Variants in NUDT19 observed in about 807,000 individuals in gnomAD.
The protein encoded by NUDT19 is nudix hydrolase 19.
NUDT19 carries 31 observed loss-of-function variants against 22.2 expected under a neutral mutation model. That is an observed-to-expected ratio of 1.40 (90% CI 1.05 to 1.89). The LOEUF is 1.89. Ranked by LOEUF, NUDT19 falls within the 40% of genes most tolerant of loss-of-function variation. The pLI, the probability that NUDT19 is intolerant of heterozygous loss-of-function variation, is 0.00. For synonymous variants in NUDT19, 325 were observed against 230.8 expected, an observed-to-expected ratio of 1.41 and a Z score of -3.70; for missense variants, 752 against 514.2, an observed-to-expected ratio of 1.46 and a Z score of -4.47.
intron 1 of NUDT19, among the ~76,000 whole-genome samples, chr19:32,701,681 G>T (rs985700279): frequency 6.6e-6 from 1 of 152,152 alleles, no homozygotes; most frequent in Non-Finnish European, 1.5e-5. Context: ...ACTTTTAAAA[G>T]TTCATGGATT....
chr19:32,693,080 C>T (rs1485465751), intron 1 of NUDT19, among the ~76,000 whole-genome samples: 2 of 152,232 alleles, frequency 1.3e-5, no homozygotes, highest in East Asian at 3.8e-4. Context: ...CTGTGTTGCA[C>T]ACCCAGGCTC....
Position 32,692,691 on chromosome 19 carries a change from G to T in NUDT19, c.714+17G>T. 6.9e-7 allele frequency: 1 copy of T among 1,449,102 alleles called. No individual in the cohort carries two copies. Among genetic ancestry groups the T allele is most frequent in the South Asian group, 1.5e-5 (1 of 68,320 alleles). The allele number at this position is 1,449,102 out of a possible 1,614,324, so 89.8% of individuals were successfully genotyped here. ...GGCTACCAGGTAAGGCCTGCTCAGGGCCTTGCTGCGGACCGCCAGGACGTG... is the reference window on the plus strand; with the variant it reads ...GGCTACCAGGTAAGGCCTGCTCAGGTCCTTGCTGCGGACCGCCAGGACGTG... On this transcript the variant is annotated intron_variant, in intron 1 of 2. Transcript: ENST00000397061.
intron 1 of NUDT19, among the ~76,000 whole-genome samples, chr19:32,703,190 G>A (rs1198502348): frequency 1.3e-5 from 2 of 151,716 alleles, no homozygotes; most frequent in African/African-American, 4.9e-5. Context: ...TAGGAGAAAC[G>A]GGTTTTCTCC....
chr19:32,698,586 G>A (rs572729508), intron 1 of NUDT19, among the ~76,000 whole-genome samples: 4 of 152,120 alleles, frequency 2.6e-5, no homozygotes, highest in East Asian at 1.9e-4. Flanking sequence ...GCTCACCAAC[G>A]CAGCAGCAGA....
At position 32,711,796 on chromosome 19, in the gene NUDT19, A is replaced by C. The variant is rs1968450079; in HGVS notation, c.967A>C (p.Met323Leu). Residue 323 changes from methionine (M) to leucine (L), a missense_variant, in exon 3 of 3, where the codon ATG becomes CTG. Coordinates refer to ENST00000397061, the MANE Select transcript of NUDT19 (RefSeq NM_001105570.2). ...LEDSDFLENL[M>L]STEKKTEEIM... ...AGATTCAGACTTTTTGGAAAATCTT[A>C]TGTCTACTGAAAAAAAGACTGAGGA... 2.5e-6 allele frequency: 4 copies of C among 1,613,572 alleles called. No individual in the cohort carries two copies. In the East Asian group the frequency reaches 8.9e-5, roughly 36 times the overall value.
chr19:32,691,969 C>T lies in NUDT19; in HGVS notation c.9C>T (p.Ser3=). Residue 3 remains serine, a synonymous_variant, in exon 1 of 3, where the codon AGC becomes AGT. Coordinates refer to ENST00000397061, the MANE Select transcript of NUDT19 (RefSeq NM_001105570.2). MS[S]SLRPGPSRWR... ...CCGGGAAGCTGCGCGCCATGAGCAG[C>T]TCCCTGCGGCCGGGCCCCAGCCGCT... 8.1e-7 allele frequency: 1 copy of T among 1,231,178 alleles called. No individual in the cohort carries two copies. Among genetic ancestry groups the T allele is most frequent in the Non-Finnish European group, 1.0e-6 (1 of 989,076 alleles). The allele number at this position is 1,231,178 out of a possible 1,614,324, so 76.3% of individuals were successfully genotyped here. A position where few individuals can be genotyped will look rare whatever the true frequency, so the allele number is the denominator to read the frequency against.
At chr19:32,694,211 G>A (rs1183964637) in intron 1 of NUDT19, among the ~76,000 whole-genome samples, 2 of 152,216 alleles carry the variant, frequency 1.3e-5, no homozygotes, top group African/African-American at 4.8e-5. Context: ...AACTCCAGAG[G>A]TTGGTATAAG....
At chr19:32,701,478 G>A (rs10418775) in intron 1 of NUDT19, among the ~76,000 whole-genome samples, 8,054 of 152,020 alleles carry the variant, frequency 0.053, 373 homozygotes, top group African/African-American at 0.12. Flanking sequence ...GATTACAGGC[G>A]TGAGCCACTG....
chr19:32,694,197 G>A (rs1393790391), intron 1 of NUDT19, among the ~76,000 whole-genome samples: 1 of 152,222 alleles, frequency 6.6e-6, no homozygotes, highest in South Asian at 2.1e-4. Flanking sequence ...AAGCCATGTT[G>A]CCCAACTCCA....
chr19:32,692,479 G>A lies in NUDT19; in HGVS notation c.519G>A (p.Gln173=), dbSNP rs1311450275. 1.9e-6 allele frequency: 3 copies of A among 1,551,708 alleles called. No individual in the cohort carries two copies. The highest frequency in any genetic ancestry group is 2.5e-5 in the East Asian group (1 of 40,538). ...GLASWRDRVR[Q]DPRHFLRLCA... Reference sequence around the variant, plus strand: ...CCTCCTGGCGCGACCGCGTGCGCCAGGACCCGCGCCACTTCCTGCGGCTGT... The same window carrying A: ...CCTCCTGGCGCGACCGCGTGCGCCAAGACCCGCGCCACTTCCTGCGGCTGT... Residue 173 remains glutamine, a synonymous_variant, in exon 1 of 3, where the codon CAG becomes CAA. Transcript: ENST00000397061.
At chr19:32,698,442 C>T (rs745533604) in intron 1 of NUDT19, among the ~76,000 whole-genome samples, 2 of 152,006 alleles carry the variant, frequency 1.3e-5, no homozygotes, top group Admixed American at 6.6e-5. Flanking sequence ...TTTGTTTCTC[C>T]CCCTGCCCAA....
intron 1 of NUDT19, among the ~76,000 whole-genome samples, chr19:32,704,459 G>T (rs1456209828): frequency 6.6e-6 from 1 of 151,498 alleles, no homozygotes; most frequent in East Asian, 1.9e-4. Context: ...ACGGGGTTTC[G>T]CCATGTTGGT....
rs1254833356 is a variant in NUDT19, at chr19:32,712,309, C to T, written c.*352C>T. ...AGCCAGGATGGTCTCAATCTCTTGA[C>T]CTCGTGATACGCCCGCCTTGGCCTC... On this transcript the variant is annotated 3_prime_UTR_variant, in exon 3 of 3. Transcript: ENST00000397061. The T allele has an allele frequency of 6.0e-6, 1 of 167,792 alleles. No individual in the cohort carries two copies. Among genetic ancestry groups the T allele is most frequent in the Non-Finnish European group, 1.3e-5 (1 of 78,876 alleles). 10.4% of individuals were successfully genotyped at this position (167,792 alleles called of 1,614,324 possible).
rs2145370782 is a variant in NUDT19, at chr19:32,713,048, C to T, written c.*1091C>T. On this transcript the variant is annotated 3_prime_UTR_variant, in exon 3 of 3. Transcript: ENST00000397061. The stretch of plus-strand genomic sequence containing the variant: ...AAGTGACCATGTCATTGTTTTCTTG[C>T]TATGTCTTTAGCTTAATGATTAAGA... 1 of 152,230 alleles carries T rather than the reference C, an allele frequency of 6.6e-6. No homozygotes were observed. The highest frequency in any genetic ancestry group is 2.1e-4 in the South Asian group (1 of 4,822). The allele number at this position is 152,230 out of a possible 1,614,324, so 9.4% of individuals were successfully genotyped here. A position where few individuals can be genotyped will look rare whatever the true frequency, so the allele number is the denominator to read the frequency against.
chr19:32,709,234 G>A lies in NUDT19; in HGVS notation c.764G>A (p.Trp255Ter). 6.2e-7 allele frequency: 1 copy of A among 1,614,018 alleles called. No homozygotes were observed. Among genetic ancestry groups the A allele is most frequent in the South Asian group, 1.1e-5 (1 of 91,070 alleles). ...GAAAGTTTCTTATCAAAAGAAATTTGGTTGCCACCCCCACAGTTCTACGAA... is the reference window on the plus strand; with the variant it reads ...GAAAGTTTCTTATCAAAAGAAATTTAGTTGCCACCCCCACAGTTCTACGAA... ...ATESFLSKEIWLPPPQFYEVR... is the reference protein window; with the variant it reads ...ATESFLSKEI Residue 255 changes from tryptophan (W) to a stop codon, truncating the protein, a stop_gained, in exon 2 of 3, where the codon TGG becomes TAG. Coordinates refer to ENST00000397061, the MANE Select transcript of NUDT19 (RefSeq NM_001105570.2). LOFTEE classifies it high-confidence loss of function.
chr19:32,706,780 T>C (rs1968391804), intron 1 of NUDT19, among the ~76,000 whole-genome samples: 1 of 152,190 alleles, frequency 6.6e-6, no homozygotes, highest in African/African-American at 2.4e-5. Flanking sequence ...AAGAGCATAG[T>C]TTGTATAAGG....
In NUDT19 at chr19:32,711,750, A is replaced by G. The variant is rs1316135644; in HGVS notation, c.923-2A>G. The stretch of plus-strand genomic sequence containing the variant: ...ATAAAATCAGATTTTTTCCTTTTTC[A>G]GGTGATGAGCTATATTTAGAAGATT... On this transcript the variant is annotated splice_acceptor_variant, in intron 2 of 2. Transcript: ENST00000397061. LOFTEE classifies it high-confidence loss of function. 24 of 1,548,686 alleles carry G rather than the reference A, an allele frequency of 1.5e-5. No individual in the cohort carries two copies. The highest frequency in any genetic ancestry group is 1.9e-5 in the Non-Finnish European group (22 of 1,131,146).
Position 32,693,864 on chromosome 19 carries a change from C to G in NUDT19, c.714+1190C>G, listed in dbSNP as rs141371554. Among the ~76,000 whole-genome samples the G allele has an allele frequency of 1.0e-3, 155 of 152,328 alleles. 1 individual carries two copies. The highest frequency in any genetic ancestry group is 3.5e-3 in the African/African-American group (144 of 41,576). On this transcript the variant is annotated intron_variant, in intron 1 of 2. Transcript: ENST00000397061. ...GGGGCTTCACCTCTCAATCCCGCCT[C>G]TAAACAGGGCACCCCATCTGCTGTT...
intron 1 of NUDT19, among the ~76,000 whole-genome samples, chr19:32,694,525 G>A (rs928350290): frequency 6.6e-6 from 1 of 152,138 alleles, no homozygotes; most frequent in East Asian, 1.9e-4. Flanking sequence ...GGCTATTCCG[G>A]TTCCTGTAGC....
Sources: gnomAD v4.1 joint callset for allele counts (sites outside exome capture counted in the v4.1 genomes callset) on GRCh38, gnomAD v4.1.1 for gene constraint, MANE v1.5 for transcripts, NCBI Gene and HGNC (gene_info 2026-07-23, HGNC 2026-07-21) for gene names.